The following MRTFA variants were observed in gnomAD, a reference collection of about 807,000 sequenced individuals.
MRTFA encodes the protein myocardin-related transcription factor A.
A neutral mutation model predicts 83.5 loss-of-function variants in MRTFA; 20 were observed. The ratio of observed to expected loss-of-function variants is 0.24; its 90% CI spans 0.17 to 0.35. The LOEUF is 0.35. MRTFA is among the 10% of genes least tolerant of loss of function. The pLI, the probability that MRTFA is intolerant of heterozygous loss-of-function variation, is 1.00. For missense variants in MRTFA, 1,200 were observed against 1,224.7 expected (o/e 0.98, Z 0.30); for synonymous variants, 659 against 541.2 (o/e 1.22, Z -3.02).
intron 3 of MRTFA, among the ~76,000 whole-genome samples, chr22:40,514,758 A>C (rs187351251): frequency 2.0e-5 from 3 of 151,562 alleles, no homozygotes; most frequent in African/African-American, 7.3e-5. Context: ...GAGATTACAG[A>C]TGTGAGCCAC....
intron 3 of MRTFA, among the ~76,000 whole-genome samples, chr22:40,503,601 C>A (rs958634290): frequency 1.3e-5 from 2 of 152,192 alleles, no homozygotes; most frequent in African/African-American, 4.8e-5. Flanking sequence ...TAGTCTTTAT[C>A]AAGGCTGTAC....
intron 3 of MRTFA, chr22:40,519,608 T>C (rs1448647197): frequency 3.8e-6 from 5 of 1,320,536 alleles, no homozygotes; most frequent in Non-Finnish European, 5.0e-6. Context: ...ATTTGAGACA[T>C]TTTTCTGTTG....
At chr22:40,594,400 T>C (rs1045447535) in intron 2 of MRTFA, among the ~76,000 whole-genome samples, 1 of 152,176 alleles carries the variant, frequency 6.6e-6, no homozygotes, top group African/African-American at 2.4e-5. Context: ...GGTGGGTACA[T>C]GTGTAAATTC....
intron 4 of MRTFA, among the ~76,000 whole-genome samples, chr22:40,460,146 A>C (rs1328471935): frequency 1.3e-5 from 2 of 151,954 alleles, no homozygotes; most frequent in African/African-American, 4.8e-5. Context: ...GCTGGTCTGG[A>C]ATTCCTGACC....
At chr22:40,492,733 A>T (rs532861107) in intron 3 of MRTFA, among the ~76,000 whole-genome samples, 1 of 152,312 alleles carries the variant, frequency 6.6e-6, no homozygotes, top group African/African-American at 2.4e-5. Context: ...AGATACCAAA[A>T]AGCAGAGGGG....
chr22:40,525,094 G>C (rs144977847), intron 3 of MRTFA, among the ~76,000 whole-genome samples: 1 of 152,256 alleles, frequency 6.6e-6, no homozygotes, highest in African/African-American at 2.4e-5. Context: ...ACAGGGGTGA[G>C]TCACTGTGCC....
chr22:40,419,368 T>C lies in MRTFA; in HGVS notation c.1370A>G (p.Gln457Arg), dbSNP rs1392401359. ...AGGCAGTGATCGCAACTTCAGCTCC[T>C]GCTTCAGCTCTGCCACCTGCAAGGC... The change falls in exon 12 of 15, where the codon CAG becomes CGG. Residue 457 changes from glutamine to arginine, a missense_variant. Gln to Arg is a conservative substitution (Grantham distance 43, BLOSUM62 1). This residue lies in a region of MRTFA where 1,107 missense variants were observed against 1,041.8 expected (regional missense o/e 1.06). Coordinates refer to ENST00000355630, the MANE Select transcript of MRTFA (RefSeq NM_020831.6). The C allele has an allele frequency of 6.2e-7, 1 of 1,613,702 alleles. No individual in the cohort carries two copies. The highest frequency in any genetic ancestry group is 1.7e-5 in the Admixed American group (1 of 60,010).
At chr22:40,614,668 G>A (rs990884809) in intron 1 of MRTFA, among the ~76,000 whole-genome samples, 1 of 152,038 alleles carries the variant, frequency 6.6e-6, no homozygotes, top group African/African-American at 2.4e-5. Flanking sequence ...TGTATTTTTA[G>A]TAGAGACGAG....
intron 8 of MRTFA, 102 bp from the exon 9 acceptor site, chr22:40,423,787 A>G: frequency 8.9e-7 from 1 of 1,123,248 alleles, no homozygotes; most frequent in Non-Finnish European, 1.2e-6. Context: ...CCATTGTCAG[A>G]GGGCAAATGG....
chr22:40,483,055 C>T (rs2054117000), intron 3 of MRTFA, among the ~76,000 whole-genome samples: 5 of 151,566 alleles, frequency 3.3e-5, no homozygotes, highest in Admixed American at 2.0e-4. Flanking sequence ...AGAGTGAGCC[C>T]GTCTCAAAAA....
chr22:40,411,871 G>A lies in MRTFA; in HGVS notation c.2615C>T (p.Pro872Leu). ...CTTCGGGGATGGCTTCTCCTTCCCT[G>A]GCAGGGATGGCGGCTCCTTGAAATC... The change falls in exon 15 of 15, where the codon CCA (proline) becomes CTA (leucine). Residue 872 changes from proline to leucine, a missense_variant. By Grantham distance (98) the Pro-to-Leu change is moderately conservative (BLOSUM62 -3). Transcript: ENST00000355630. The A allele has an allele frequency of 2.7e-6, 4 of 1,485,982 alleles. No individual in the cohort carries two copies. The highest frequency in any genetic ancestry group is 3.6e-6 in the Non-Finnish European group (4 of 1,116,716). The allele number at this position is 1,485,982 out of a possible 1,614,324, so 92.0% of individuals were successfully genotyped here. A position where few individuals can be genotyped will look rare whatever the true frequency, so the allele number is the denominator to read the frequency against.
At chr22:40,497,472 A>G (rs750964685) in intron 3 of MRTFA, among the ~76,000 whole-genome samples, 1 of 152,196 alleles carries the variant, frequency 6.6e-6, no homozygotes, top group African/African-American at 2.4e-5. Context: ...TTCAGAAATC[A>G]TATGGGTCAG....
intron 4 of MRTFA, among the ~76,000 whole-genome samples, chr22:40,442,085 G>C (rs551704609): frequency 6.6e-6 from 1 of 152,248 alleles, no homozygotes; most frequent in South Asian, 2.1e-4. Flanking sequence ...AAACAAGTAG[G>C]TAAATGAGTC....
At chr22:40,603,154 C>T (rs1431369282) in intron 1 of MRTFA, among the ~76,000 whole-genome samples, 2 of 152,154 alleles carry the variant, frequency 1.3e-5, no homozygotes, top group Non-Finnish European at 2.9e-5. Context: ...GGCCGAAGCT[C>T]TAAACTGTCT....
At chr22:40,586,728 G>GT (rs1345808109) in intron 2 of MRTFA, 3 of 284,704 alleles carry the variant, frequency 1.1e-5, no homozygotes, top group African/African-American at 6.8e-5. Context: ...TTCCTCTGTG[G>GT]TAGGTTTTTT....
chr22:40,439,087 G>A (rs192603524), intron 4 of MRTFA, among the ~76,000 whole-genome samples: 4 of 152,308 alleles, frequency 2.6e-5, no homozygotes, highest in Non-Finnish European at 5.9e-5. Context: ...AAATAGCAGG[G>A]ATAAGATTAT....
intron 1 of MRTFA, among the ~76,000 whole-genome samples, chr22:40,612,561 T>C (rs924643668): frequency 5.9e-5 from 9 of 152,196 alleles, no homozygotes; most frequent in Middle Eastern, 3.2e-3. Context: ...ATAATTTGCA[T>C]ACAATAAAAA....
chr22:40,607,139 G>C (rs193053193), intron 1 of MRTFA, among the ~76,000 whole-genome samples: 1 of 152,252 alleles, frequency 6.6e-6, no homozygotes, highest in African/African-American at 2.4e-5. Context: ...GCTGGGTGAA[G>C]CCATAACCTC....
intron 4 of MRTFA, among the ~76,000 whole-genome samples, chr22:40,457,468 A>AAGAAAG (rs2053611388): frequency 6.6e-6 from 1 of 150,862 alleles, no homozygotes; most frequent in Non-Finnish European, 1.5e-5. Flanking sequence ...GAAAGAAAGA[A>AAGAAAG]AGAAAGAAAG....
Sources: gnomAD v4.1 joint callset for allele counts (sites outside exome capture counted in the v4.1 genomes callset) on GRCh38, gnomAD v4.1.1 for gene constraint, gnomAD v4.1.1 regional missense constraint, MANE v1.5 for transcripts, NCBI Gene and HGNC (gene_info 2026-07-23, HGNC 2026-07-21) for gene names.